Variants in TOPORS observed in about 807,000 individuals in gnomAD.
The protein encoded by TOPORS is TOP1 binding arginine/serine rich protein, E3 ubiquitin ligase.
Under a neutral mutation model 81.4 loss-of-function variants are expected in TOPORS, and 25 were observed. The ratio of observed to expected loss-of-function variants is 0.31; its 90% CI spans 0.22 to 0.43. The LOEUF is 0.43. TOPORS is among the 20% of genes least tolerant of loss of function. The pLI, the probability that TOPORS is intolerant of heterozygous loss-of-function variation, is 1.00. For missense variants in TOPORS, 1,101 were observed against 1,267.0 expected (o/e 0.87, Z 1.99); for synonymous variants, 473 against 456.6 (o/e 1.04, Z -0.46).
intron 2 of TOPORS, among the ~76,000 whole-genome samples, chr9:32,547,204 T>C (rs1023678087): frequency 2.6e-5 from 4 of 151,976 alleles, no homozygotes; most frequent in African/African-American, 9.7e-5. Flanking sequence ...AGTCTCTATT[T>C]TAAAAAAGAA....
rs761905502 is a variant in TOPORS at position 32,542,376 on chromosome 9, C to T, written c.2149G>A (p.Glu717Lys). The change falls in exon 3 of 3, where the codon GAA (glutamate) becomes AAA (lysine). Residue 717 changes from glutamate to lysine, a missense_variant. Physicochemically the swap from Glu to Lys is moderately conservative, Grantham distance 56. Coordinates refer to ENST00000360538, the MANE Select transcript of TOPORS (RefSeq NM_005802.5). ...AGAGTCCTCCTCCTGTAAGATGATT[C>T]GTACCCATCCCTGTCCTTGTTTCTA... is the stretch of plus-strand genomic sequence containing the variant. The part of the protein sequence containing the change: ...YSRNKDRDGY[E>K]SSYRRRTLSR... The T allele has an allele frequency of 6.8e-6, 11 of 1,614,038 alleles. No individual in the cohort carries two copies. The highest frequency in any genetic ancestry group is 2.2e-5 in the East Asian group (1 of 44,884).
intron 1 of TOPORS, chr9:32,551,414 C>T (rs1237053463): frequency 6.2e-6 from 2 of 323,390 alleles, no homozygotes; most frequent in Non-Finnish European, 1.2e-5. Context: ...AACGGGATCC[C>T]AAACCAGAGC....
Position 32,542,054 on chromosome 9 carries a change from T to A in TOPORS, c.2471A>T (p.His824Leu), listed in dbSNP as rs769536241. 6.2e-7 allele frequency: 1 copy of A among 1,614,198 alleles called. No individual in the cohort carries two copies. The highest frequency in any genetic ancestry group is 8.5e-7 in the Non-Finnish European group (1 of 1,180,036). The change falls in exon 3 of 3, where the codon CAT becomes CTT. Residue 824 changes from histidine to leucine, a missense_variant. Around this residue, in one of 9 missense-constraint regions of TOPORS, gnomAD observed 605 missense variants for 636.1 expected, o/e 0.95. Transcript: ENST00000360538. ...REFASKAKDS[H>L]YQKSSSKLDG... Reference sequence around the variant, plus strand: ...CAATTTTGATGAAGATTTTTGGTAATGACTGTCCTTTGCTTTAGAAGCAAA... The same window carrying A: ...CAATTTTGATGAAGATTTTTGGTAAAGACTGTCCTTTGCTTTAGAAGCAAA...
chr9:32,550,581 C>A (rs1563986768), intron 2 of TOPORS, among the ~76,000 whole-genome samples, 193 bp downstream of exon 2: 1 of 152,180 alleles, frequency 6.6e-6, no homozygotes, highest in South Asian at 2.1e-4. Context: ...GAAGCGCAAC[C>A]CTCGCCTGCC....
At chr9:32,549,251 G>A (rs1821185414) in intron 2 of TOPORS, among the ~76,000 whole-genome samples, 1 of 152,150 alleles carries the variant, frequency 6.6e-6, no homozygotes. Flanking sequence ...AGCTTGCAGT[G>A]AGCCGAGACT....
Position 32,542,285 on chromosome 9 carries a change from C to T in TOPORS, c.2240G>A (p.Arg747Lys). 3 of 1,613,946 alleles carry T rather than the reference C, an allele frequency of 1.9e-6. No homozygotes were observed. Among genetic ancestry groups the T allele is most frequent in the Non-Finnish European group, 2.5e-6 (3 of 1,179,994 alleles). Reference sequence around the variant, plus strand: ...ATTATTTTTTTTCCTAGCATTTGTTCTTTCAGAAAAGGACTGAACTCTAAA... The same window carrying T: ...ATTATTTTTTTTCCTAGCATTTGTTTTTTCAGAAAAGGACTGAACTCTAAA... ...PEFRVQSFSE[R>K]TNARKKNNHS... The change falls in exon 3 of 3, where the codon AGA (arginine) becomes AAA (lysine). Residue 747 changes from arginine to lysine, a missense_variant. Physicochemically the swap from Arg to Lys is conservative, Grantham distance 26. This residue lies in a region of TOPORS where 605 missense variants were observed against 636.1 expected (regional missense o/e 0.95). Coordinates refer to ENST00000360538, the MANE Select transcript of TOPORS (RefSeq NM_005802.5).
chr9:32,542,916 A>T lies in TOPORS; in HGVS notation c.1609T>A (p.Ser537Thr), dbSNP rs1196416887. ...ATTTGTTCATCCTTTCCAAGGACAG[A>T]GTGTGGAGATGAGCATCTACTAACA... The part of the protein sequence containing the change: ...SDVSRCSSPH[S>T]VLGKDEQINK... The change falls in exon 3 of 3, where the codon TCT (serine) becomes ACT (threonine). Residue 537 changes from serine (S) to threonine (T), a missense_variant. Coordinates refer to ENST00000360538, the MANE Select transcript of TOPORS (RefSeq NM_005802.5). 3.1e-6 allele frequency: 5 copies of T among 1,614,028 alleles called. No individual in the cohort carries two copies. The highest frequency in any genetic ancestry group is 1.1e-5 in the South Asian group (1 of 91,092).
Position 32,543,854 on chromosome 9 carries a change from T to G in TOPORS, c.671A>C (p.Asp224Ala), listed in dbSNP as rs147071021. The G allele has an allele frequency of 6.2e-7, 1 of 1,614,164 alleles. No individual in the cohort carries two copies. Residue 224 changes from aspartate (D) to alanine (A), a missense_variant, in exon 3 of 3, where the codon GAT becomes GCT. Physicochemically the swap from Asp to Ala is moderately radical, Grantham distance 126. Coordinates refer to ENST00000360538, the MANE Select transcript of TOPORS (RefSeq NM_005802.5). This position sits in a 1 kb window ranked among gnomAD's most constrained non-coding sequence, Gnocchi z 5.6. ...TCTCATAAACTGAGGAATTTCAACA[T>G]CTCTAGGTCTTGTTGAAATGCCTAA... The part of the protein sequence containing the change: ...EGLGISTRPR[D>A]VEIPQFMRQI...
rs2118963453 is a variant in TOPORS, at chr9:32,541,337, C to T, written c.*50G>A. 4 of 1,591,118 alleles carry T rather than the reference C, an allele frequency of 2.5e-6. No individual in the cohort carries two copies. Among genetic ancestry groups the T allele is most frequent in the Non-Finnish European group, 3.4e-6 (4 of 1,161,332 alleles). Reference sequence around the variant, plus strand: ...TAGACTGCAGTAGACGACATTCTTCCTTTTTCCTTTTTATAACATCATAAT... The same window carrying T: ...TAGACTGCAGTAGACGACATTCTTCTTTTTTCCTTTTTATAACATCATAAT... On this transcript the variant is annotated 3_prime_UTR_variant, in exon 3 of 3. Transcript: ENST00000360538.
Position 32,541,994 on chromosome 9 carries a change from G to A in TOPORS, c.2531C>T (p.Ser844Leu), listed in dbSNP as rs1241461078. 7 of 1,613,956 alleles carry A rather than the reference G, an allele frequency of 4.3e-6. No individual in the cohort carries two copies. The highest frequency in any genetic ancestry group is 5.1e-6 in the Non-Finnish European group (6 of 1,180,016). ...CTCTCTGTCTGATGATCGGCTGTCT[G>A]AAAAGGTATCACTCTCATTTTTGTA... is the stretch of plus-strand genomic sequence containing the variant. ...GNYKNESDTFSDSRSSDRETK... is the reference protein window; with the variant it reads ...GNYKNESDTFLDSRSSDRETK... Residue 844 changes from serine (S) to leucine (L), a missense_variant, in exon 3 of 3, where the codon TCA (serine) becomes TTA (leucine). This residue lies in a region of TOPORS where 605 missense variants were observed against 636.1 expected (regional missense o/e 0.95). Transcript: ENST00000360538.
intron 2 of TOPORS, among the ~76,000 whole-genome samples, chr9:32,548,464 T>C (rs1821172123): frequency 6.6e-6 from 1 of 151,838 alleles, no homozygotes; most frequent in Non-Finnish European, 1.5e-5. Flanking sequence ...AGGCGGAGGT[T>C]GCAGTGAGCC....
At chr9:32,551,361 T>C (rs1821254011) in intron 1 of TOPORS, 1 of 350,698 alleles carries the variant, frequency 2.9e-6, no homozygotes, top group African/African-American at 2.1e-5. Context: ...TTGAAGTCTC[T>C]CACCTCCTGT....
At chr9:32,544,569 C>A (rs997095789) in intron 2 of TOPORS, among the ~76,000 whole-genome samples, 1 of 152,120 alleles carries the variant, frequency 6.6e-6, no homozygotes, top group African/African-American at 2.4e-5. Flanking sequence ...TGACTATGTG[C>A]CAGTTAGTAT....
chr9:32,547,197 C>A (rs1441203616), intron 2 of TOPORS, among the ~76,000 whole-genome samples: 1 of 152,162 alleles, frequency 6.6e-6, no homozygotes, highest in African/African-American at 2.4e-5. Context: ...GAGATCCAGT[C>A]TCTATTTTAA....
intron 1 of TOPORS, chr9:32,551,745 G>A (rs1821268224): frequency 2.3e-6 from 1 of 432,890 alleles, no homozygotes. Flanking sequence ...CTCACGCGCG[G>A]CAGTTCAAGA....
intron 1 of TOPORS, 52 bp downstream of exon 1, chr9:32,552,382 T>C (rs768763994): frequency 1.0e-5 from 16 of 1,604,460 alleles, no homozygotes; most frequent in African/African-American, 9.4e-5. Context: ...GGGAGGTTAC[T>C]GTAAGGCCCG....
At chr9:32,549,945 A>T (rs1821203459) in intron 2 of TOPORS, among the ~76,000 whole-genome samples, 1 of 152,166 alleles carries the variant, frequency 6.6e-6, no homozygotes, top group South Asian at 2.1e-4. Context: ...AATTCCAGCA[A>T]AAAGAATTGG....
intron 1 of TOPORS, 190 bp from the exon 2 acceptor site, chr9:32,551,158 C>T (rs1417416046): frequency 1.4e-6 from 1 of 695,028 alleles, no homozygotes; most frequent in Non-Finnish European, 2.5e-6. Flanking sequence ...CCGCTCCAGA[C>T]CCCGGAGGAG....
In TOPORS at chr9:32,552,495, C is replaced by T. The variant is rs963236790; in HGVS notation, c.-59G>A. On this transcript the variant is annotated 5_prime_UTR_variant, in exon 1 of 3. Coordinates refer to ENST00000360538, the MANE Select transcript of TOPORS (RefSeq NM_005802.5). ...TTATTCAGTGGTAAGTCCCGGGGAT[C>T]GCGGGCCCCCACCGTGTCGACTCAC... is the stretch of plus-strand genomic sequence containing the variant. 6.3e-7 allele frequency: 1 copy of T among 1,577,066 alleles called. No homozygotes were observed. Among genetic ancestry groups the T allele is most frequent in the South Asian group, 1.1e-5 (1 of 87,046 alleles).
Sources: allele counts gnomAD v4.1 joint callset (sites outside exome capture counted in the v4.1 genomes callset), GRCh38; gene constraint gnomAD v4.1.1; regional missense constraint gnomAD v4.1.1; non-coding constraint Gnocchi (gnomAD v3.1); transcripts MANE v1.5; gene names NCBI Gene and HGNC (gene_info 2026-07-23, HGNC 2026-07-21).